LRRIQ1: variants seen among roughly 807,000 people sequenced by gnomAD.
LRRIQ1 encodes leucine rich repeats and IQ motif containing 1.
Under a neutral mutation model 211.9 loss-of-function variants are expected in LRRIQ1, and 210 were observed. The ratio of observed to expected loss-of-function variants is 0.99; its 90% CI spans 0.89 to 1.11. LRRIQ1 has a LOEUF of 1.11. Ranked by LOEUF, LRRIQ1 falls within the 50% of genes most tolerant of loss-of-function variation. The pLI is 0.00. For synonymous variants in LRRIQ1, 699 were observed against 650.1 expected (o/e 1.08, Z -1.14); for missense variants, 2,136 against 1,939.5 (o/e 1.10, Z -1.90).
At chr12:85,228,920 A>C (rs1039236234) in intron 24 of LRRIQ1, among the ~76,000 whole-genome samples, 1 of 152,186 alleles carries the variant, frequency 6.6e-6, no homozygotes, top group African/African-American at 2.4e-5. Context: ...GTGTACTGTC[A>C]ATCAAGTTTA....
rs1219193629 is a variant in LRRIQ1, at chr12:85,036,390, G to A, written c.-42G>A. ...GGCGCTGTCTTACAACAAAGCCAAG[G>A]AATCTCGCTGCTGAGGGGTGAGCCG... On this transcript the variant is annotated 5_prime_UTR_variant, in exon 1 of 27. Transcript: ENST00000393217. 2 of 152,182 alleles carry A rather than the reference G, an allele frequency of 1.3e-5. No individual in the cohort carries two copies. The highest frequency in any genetic ancestry group is 2.9e-5 in the Non-Finnish European group (2 of 68,084). 9.4% of individuals were successfully genotyped at this position (152,182 alleles called of 1,614,324 possible).
At chr12:85,131,247 G>T (rs539587883) in intron 18 of LRRIQ1, among the ~76,000 whole-genome samples, 1 of 151,168 alleles carries the variant, frequency 6.6e-6, no homozygotes, top group East Asian at 1.9e-4. Flanking sequence ...GTAGATTTGT[G>T]CATATCACTT....
chr12:85,178,692 C>T (rs895650382), intron 24 of LRRIQ1, among the ~76,000 whole-genome samples: 3 of 151,800 alleles, frequency 2.0e-5, no homozygotes, highest in African/African-American at 7.2e-5. Context: ...TTCTATTTAC[C>T]TGGGACCCCT....
intron 24 of LRRIQ1, among the ~76,000 whole-genome samples, chr12:85,170,983 A>G (rs905357528): frequency 3.9e-5 from 6 of 152,160 alleles, no homozygotes; most frequent in Non-Finnish European, 8.8e-5. Context: ...AGTTTTTCAT[A>G]TAAAATATCT....
chr12:85,096,459 G>A (rs745976090), intron 11 of LRRIQ1, among the ~76,000 whole-genome samples: 1 of 152,070 alleles, frequency 6.6e-6, no homozygotes, highest in Admixed American at 6.6e-5. Flanking sequence ...CCCTGTAGTT[G>A]TGTGGGTTTT....
At chr12:85,230,911 C>T (rs1894905058) in intron 25 of LRRIQ1, among the ~76,000 whole-genome samples, 1 of 151,848 alleles carries the variant, frequency 6.6e-6, no homozygotes, top group Non-Finnish European at 1.5e-5. Flanking sequence ...TAGCCGGGCG[C>T]GGTAGGGGGC....
chr12:85,172,533 A>G (rs1891469256), intron 24 of LRRIQ1, among the ~76,000 whole-genome samples: 1 of 152,170 alleles, frequency 6.6e-6, no homozygotes, highest in Admixed American at 6.6e-5. Context: ...ATATTTTGAA[A>G]ATTAAATGAG....
At chr12:85,064,096 G>A (rs1882155593) in intron 8 of LRRIQ1, among the ~76,000 whole-genome samples, 1 of 151,794 alleles carries the variant, frequency 6.6e-6, no homozygotes, top group Non-Finnish European at 1.5e-5. Flanking sequence ...GTTGTTTGAG[G>A]AATCTCCAAA....
the LRRIQ1 span, among the ~76,000 whole-genome samples, chr12:85,269,935 T>TCCTCTTGGTTAAAGAAGGTTAAAGAAAG: frequency 6.6e-6 from 1 of 151,958 alleles, no homozygotes; most frequent in Non-Finnish European, 1.5e-5. Flanking sequence ...ATTAGGGCCT[T>TCCTCTTGGTTAAAGAAGGTTAAAGAAAG]CCTCTTGGTT....
At chr12:85,075,611 C>G (rs759199600) in intron 11 of LRRIQ1, among the ~76,000 whole-genome samples, 20 of 151,998 alleles carry the variant, frequency 1.3e-4, no homozygotes, top group Non-Finnish European at 2.2e-4. Flanking sequence ...CCTGATGGAT[C>G]CCCCCTACCC....
chr12:85,081,723 CTT>C (rs766961193), intron 11 of LRRIQ1, among the ~76,000 whole-genome samples: 3 of 113,438 alleles, frequency 2.6e-5, no homozygotes, highest in Admixed American at 1.0e-4. Context: ...TCTTCTTCTT[CTT>C]TTTTTTTTTT....
intron 15 of LRRIQ1, among the ~76,000 whole-genome samples, chr12:85,114,817 A>C (rs149152755): frequency 2.0e-5 from 3 of 152,282 alleles, no homozygotes; most frequent in Non-Finnish European, 4.4e-5. Flanking sequence ...AAATTCATTT[A>C]TCTAAAGGAT....
At chr12:85,146,488 G>A (rs1441164704) in intron 19 of LRRIQ1, among the ~76,000 whole-genome samples, 2 of 151,716 alleles carry the variant, frequency 1.3e-5, no homozygotes, top group African/African-American at 2.4e-5. Context: ...TTAAATTTAA[G>A]GTGCTTGCAG....
At chr12:85,138,714 A>G (rs371318750) in intron 19 of LRRIQ1, among the ~76,000 whole-genome samples, 1 of 151,580 alleles carries the variant, frequency 6.6e-6, no homozygotes, top group African/African-American at 2.4e-5. Flanking sequence ...AAATTTTTAA[A>G]TGCTGTAATT....
intron 24 of LRRIQ1, among the ~76,000 whole-genome samples, chr12:85,204,505 G>A (rs1047644862): frequency 1.3e-5 from 2 of 152,174 alleles, no homozygotes; most frequent in African/African-American, 4.8e-5. Flanking sequence ...CAGCCATGTG[G>A]GAGGCTGTAC....
intron 6 of LRRIQ1, among the ~76,000 whole-genome samples, chr12:85,049,148 T>A (rs1218943274): frequency 6.6e-6 from 1 of 152,210 alleles, no homozygotes; most frequent in Non-Finnish European, 1.5e-5. Context: ...CTAGCCCATA[T>A]TTTGTATGAT....
At chr12:85,101,149 A>G (rs958927426) in intron 13 of LRRIQ1, among the ~76,000 whole-genome samples, 1 of 151,810 alleles carries the variant, frequency 6.6e-6, no homozygotes, top group African/African-American at 2.4e-5. Context: ...TGTGTTTGGT[A>G]TGGATTTTAA....
chr12:85,098,653 T>A (rs2136279190), intron 12 of LRRIQ1, 105 bp downstream of exon 12: 4 of 947,084 alleles, frequency 4.2e-6, no homozygotes, highest in African/African-American at 3.3e-5. Flanking sequence ...ATTTTGTTCA[T>A]TTTTCACCAT....
chr12:85,206,175 GC>G, intron 24 of LRRIQ1, among the ~76,000 whole-genome samples: 1 of 152,188 alleles, frequency 6.6e-6, no homozygotes, highest in East Asian at 1.9e-4. Context: ...TTCCAGGTGG[GC>G]TTTGGCAGTG....
Sources: allele counts gnomAD v4.1 joint callset (sites outside exome capture counted in the v4.1 genomes callset), GRCh38; gene constraint gnomAD v4.1.1; transcripts MANE v1.5; gene names NCBI Gene and HGNC (gene_info 2026-07-23, HGNC 2026-07-21).